TMEM135: variants seen among roughly 807,000 people sequenced by gnomAD.
The protein encoded by TMEM135 is peroxisomal membrane protein 52.
In TMEM135, 30 loss-of-function variants were observed where a neutral mutation model predicts 60.3. The observed-to-expected ratio is 0.50, with a 90% CI of 0.37 to 0.68. The LOEUF (loss-of-function observed/expected upper bound fraction) is 0.68, where lower values mean the gene tolerates loss of function less well. TMEM135 is among the 30% of genes least tolerant of loss of function. The probability of loss-of-function intolerance (pLI) is 0.00; values close to 1 mark genes in which losing one functional copy is unlikely to be tolerated. For missense variants in TMEM135, 468 were observed against 548.8 expected, an observed-to-expected ratio of 0.85 and a Z score of 1.47; for synonymous variants, 190 against 186.7, an observed-to-expected ratio of 1.02 and a Z score of -0.14.
At chr11:87,225,471 C>T (rs1940745261) in intron 5 of TMEM135, among the ~76,000 whole-genome samples, 1 of 151,814 alleles carries the variant, frequency 6.6e-6, no homozygotes, top group African/African-American at 2.4e-5. Context: ...TCCTCACTCC[C>T]TTTTTTACAA....
intron 1 of TMEM135, among the ~76,000 whole-genome samples, chr11:87,052,965 C>A: frequency 9.5e-6 from 1 of 105,444 alleles, no homozygotes; most frequent in Non-Finnish European, 1.9e-5. Context: ...ACATATACAC[C>A]ATGGAATACT....
At chr11:87,092,569 G>T (rs969547201) in intron 4 of TMEM135, among the ~76,000 whole-genome samples, 9 of 152,096 alleles carry the variant, frequency 5.9e-5, no homozygotes, top group Non-Finnish European at 1.3e-4. Context: ...ACTTTTAATT[G>T]TAATGAAATG....
chr11:87,278,237 T>C (rs1379932560), intron 6 of TMEM135, among the ~76,000 whole-genome samples: 2 of 152,242 alleles, frequency 1.3e-5, no homozygotes, highest in African/African-American at 4.8e-5. Context: ...TAAAACCATC[T>C]TTGATTCTTT....
At chr11:87,138,048 G>A (rs1019783494) in intron 4 of TMEM135, among the ~76,000 whole-genome samples, 2 of 150,276 alleles carry the variant, frequency 1.3e-5, no homozygotes, top group Admixed American at 1.3e-4. Context: ...AATGAAAACA[G>A]GTTAGACATT....
In TMEM135 at chr11:87,324,769, G is replaced by A. The variant is rs1324063736; in HGVS notation, c.*3436G>A. 3 of 453,680 alleles carry A rather than the reference G, an allele frequency of 6.6e-6. No homozygotes were observed. Among genetic ancestry groups the A allele is most frequent in the African/African-American group, 2.0e-5 (1 of 49,904 alleles). 28.1% of individuals were successfully genotyped at this position (453,680 alleles called of 1,614,324 possible). ...TATGAGTATTAAGTAGTTTGACACA[G>A]CAACAAAGTTGTCCTTTGTTTCCCA... is the stretch of plus-strand genomic sequence containing the variant. On this transcript the variant is annotated 3_prime_UTR_variant, in exon 15 of 15. Transcript: ENST00000305494.
chr11:87,116,904 C>T (rs2451065), intron 4 of TMEM135, among the ~76,000 whole-genome samples: 72,165 of 151,388 alleles, frequency 0.48, 17,461 homozygotes, highest in East Asian at 0.67. Flanking sequence ...CTCACTGCAA[C>T]CTCCGCCTTT....
chr11:87,226,272 G>C (rs1940762184), intron 5 of TMEM135, among the ~76,000 whole-genome samples: 1 of 152,138 alleles, frequency 6.6e-6, no homozygotes, highest in African/African-American at 2.4e-5. Flanking sequence ...GGTGTTTAAT[G>C]ATGATGTCTA....
intron 1 of TMEM135, among the ~76,000 whole-genome samples, chr11:87,043,953 T>G (rs1276742945): frequency 6.6e-6 from 1 of 152,138 alleles, no homozygotes; most frequent in Non-Finnish European, 1.5e-5. Context: ...TAGTTGGTTT[T>G]CTTTAGGACC....
intron 5 of TMEM135, among the ~76,000 whole-genome samples, chr11:87,196,231 A>G (rs1939953166): frequency 6.6e-6 from 1 of 152,198 alleles, no homozygotes; most frequent in Non-Finnish European, 1.5e-5. Context: ...GTGAATTGTA[A>G]CACTCATCAT....
At chr11:87,145,437 T>C (rs1282126777) in intron 4 of TMEM135, among the ~76,000 whole-genome samples, 1 of 152,240 alleles carries the variant, frequency 6.6e-6, no homozygotes, top group Non-Finnish European at 1.5e-5. Context: ...ATCTTTTGGG[T>C]GAATACCCAG....
Position 87,162,849 on chromosome 11 carries a change from C to G in TMEM135, c.462+5443C>G, listed in dbSNP as rs559908229. Among the ~76,000 whole-genome samples the G allele has an allele frequency of 2.8e-4, 43 of 152,148 alleles. 1 individual carries two copies. In the South Asian group the frequency reaches 8.3e-3, roughly 29 times the overall value. On this transcript the variant is annotated intron_variant, in intron 5 of 14. Transcript: ENST00000305494. ...TACACTTCCACCAACAGTGTAAAAG[C>G]ATTCCTATTTCTCCACATCCTCTCC...
chr11:87,100,229 A>T (rs895460247), intron 4 of TMEM135, among the ~76,000 whole-genome samples: 2 of 152,174 alleles, frequency 1.3e-5, no homozygotes, highest in Non-Finnish European at 2.9e-5. Context: ...TGATACATAG[A>T]TTTTGACTAT....
intron 6 of TMEM135, among the ~76,000 whole-genome samples, chr11:87,280,481 T>G (rs994882956): frequency 3.3e-5 from 5 of 152,188 alleles, no homozygotes; most frequent in African/African-American, 1.2e-4. Flanking sequence ...TCTCAGAATA[T>G]CCAGTGTTTT....
intron 4 of TMEM135, among the ~76,000 whole-genome samples, chr11:87,139,133 A>G (rs10792910): frequency 0.12 from 18,036 of 152,188 alleles, 1,366 homozygotes; most frequent in African/African-American, 0.2. Flanking sequence ...TCTCTAAAGC[A>G]TATGAATTTC....
At chr11:87,079,988 C>T (rs537223324) in intron 3 of TMEM135, among the ~76,000 whole-genome samples, 2 of 150,940 alleles carry the variant, frequency 1.3e-5, no homozygotes, top group Non-Finnish European at 3.0e-5. Context: ...ACTACAGGTG[C>T]GTGCCACCTC....
At chr11:87,102,653 A>G (rs1416441460) in intron 4 of TMEM135, among the ~76,000 whole-genome samples, 1 of 149,302 alleles carries the variant, frequency 6.7e-6, no homozygotes, top group Non-Finnish European at 1.5e-5. Context: ...GTATACATCT[A>G]TGGGGTGCAA....
intron 4 of TMEM135, among the ~76,000 whole-genome samples, chr11:87,154,270 A>T (rs1938633456): frequency 6.6e-6 from 1 of 152,196 alleles, no homozygotes; most frequent in Non-Finnish European, 1.5e-5. Flanking sequence ...TTAGCATAAT[A>T]TCTTCAGTGC....
intron 6 of TMEM135, among the ~76,000 whole-genome samples, chr11:87,265,148 A>C (rs1346796813): frequency 2.6e-5 from 4 of 152,108 alleles, no homozygotes; most frequent in Admixed American, 1.3e-4. Context: ...AGAAATTTAG[A>C]GCTAGAACAA....
At chr11:87,208,898 A>AGG (rs981240919) in intron 5 of TMEM135, among the ~76,000 whole-genome samples, 1 of 152,208 alleles carries the variant, frequency 6.6e-6, no homozygotes, top group African/African-American at 2.4e-5. Flanking sequence ...TAAATGAGAT[A>AGG]GGGGGCTTAT....
Sources: gnomAD v4.1 joint callset for allele counts (sites outside exome capture counted in the v4.1 genomes callset) on GRCh38, gnomAD v4.1.1 for gene constraint, MANE v1.5 for transcripts, NCBI Gene and HGNC (gene_info 2026-07-23, HGNC 2026-07-21) for gene names.